The following FAAH2 variants were observed in gnomAD, a reference collection of about 807,000 sequenced individuals.
FAAH2 encodes fatty acid amide hydrolase 2.
In FAAH2, 60 loss-of-function variants were observed where a neutral mutation model predicts 36.9. The ratio of observed to expected loss-of-function variants is 1.63; its 90% CI spans 1.32 to 2.02. FAAH2 has a LOEUF of 2.02. Among genes scored for constraint, FAAH2 ranks in the 30% most tolerant of loss-of-function variants. The pLI, the probability that FAAH2 is intolerant of heterozygous loss-of-function variation, is 0.00. For synonymous variants in FAAH2, 214 were observed against 143.8 expected, an observed-to-expected ratio of 1.49 and a Z score of -3.49; for missense variants, 689 against 397.5, an observed-to-expected ratio of 1.73 and a Z score of -6.23.
At chrX:57,405,365 G>C (rs1450000448) in intron 7 of FAAH2, among the ~76,000 whole-genome samples, 1 of 110,937 alleles carries the variant, frequency 9.0e-6, no homozygotes, top group Non-Finnish European at 1.9e-5. Flanking sequence ...AGAAGCTGTG[G>C]GTCATGGAAG....
At chrX:57,202,853 A>G in the FAAH2 span, among the ~76,000 whole-genome samples, 3 of 111,867 alleles carry the variant, frequency 2.7e-5, no homozygotes, top group African/African-American at 6.5e-5. Context: ...AAACCAGAAG[A>G]CACAGTTTTT....
intron 5 of FAAH2, among the ~76,000 whole-genome samples, chrX:57,371,203 G>A (rs2054541211): frequency 9.0e-6 from 1 of 111,586 alleles, no homozygotes; most frequent in Non-Finnish European, 1.9e-5. Flanking sequence ...CCCAGCTAGT[G>A]AGCATAGCTC....
intron 7 of FAAH2, among the ~76,000 whole-genome samples, chrX:57,425,562 C>A (rs185817710): frequency 8.6e-4 from 96 of 111,558 alleles, no homozygotes; most frequent in African/African-American, 2.9e-3. Flanking sequence ...AGTTCTATTT[C>A]TAGAGTTCTT....
intron 7 of FAAH2, among the ~76,000 whole-genome samples, chrX:57,398,644 G>A (rs1035195252): frequency 1.4e-4 from 16 of 110,396 alleles, no homozygotes; most frequent in African/African-American, 4.6e-4. Flanking sequence ...CGGCTCAAAT[G>A]TCTAGGTTTT....
Position 57,286,943 on chromosome X carries a change from AC to A in FAAH2, c.122del (p.Pro41LeufsTer4). 2 of 1,202,395 alleles carry A rather than the reference AC, an allele frequency of 1.7e-6. No individual in the cohort carries two copies. Among genetic ancestry groups the A allele is most frequent in the Non-Finnish European group, 2.2e-6 (2 of 891,245 alleles). On this transcript the variant is annotated frameshift_variant, in exon 1 of 11. Coordinates refer to ENST00000374900, the MANE Select transcript of FAAH2 (RefSeq NM_174912.4). LOFTEE classifies it high-confidence loss of function. ...VLGGPKFASK[T>X]PRPVTEPLLL... ...AGGGGGTCCAAAGTTTGCCTCAAAG[AC>A]CCCTCGGCCGGTGACTGAACCATTG...
chrX:57,177,898 G>A, the FAAH2 span, among the ~76,000 whole-genome samples: 2 of 110,410 alleles, frequency 1.8e-5, no homozygotes, highest in African/African-American at 3.3e-5. Flanking sequence ...TTGGCCTGCA[G>A]TCTGTTTATT....
chrX:57,302,707 A>G (rs765332342), intron 2 of FAAH2, among the ~76,000 whole-genome samples: 1 of 111,292 alleles, frequency 9.0e-6, no homozygotes, highest in Non-Finnish European at 1.9e-5. Context: ...TACTTGAATC[A>G]CTGAGCAAGT....
chrX:57,138,362 A>T, the FAAH2 span, among the ~76,000 whole-genome samples: 2 of 111,216 alleles, frequency 1.8e-5, no homozygotes, highest in African/African-American at 6.5e-5. Flanking sequence ...GTTGGCTAAC[A>T]TCTGAAAAGT....
intron 10 of FAAH2, among the ~76,000 whole-genome samples, chrX:57,454,358 C>T (rs1232464751): frequency 8.9e-6 from 1 of 111,882 alleles, no homozygotes; most frequent in Non-Finnish European, 1.9e-5. Flanking sequence ...AACATCAACC[C>T]TTACACATGA....
At chrX:57,474,364 C>T (rs188522407) in intron 10 of FAAH2, among the ~76,000 whole-genome samples, 2 of 110,633 alleles carry the variant, frequency 1.8e-5, no homozygotes, top group East Asian at 5.7e-4. Flanking sequence ...CCCCTTGTCC[C>T]CCGCCCCCAA....
chrX:57,247,691 TA>T, the FAAH2 span, among the ~76,000 whole-genome samples: 131 of 112,165 alleles, frequency 1.2e-3, 1 homozygote, highest in East Asian at 0.035. Flanking sequence ...CAGGGAGAAG[TA>T]AAAGACCAGG....
At chrX:57,256,615 C>T in the FAAH2 span, among the ~76,000 whole-genome samples, 2 of 111,547 alleles carry the variant, frequency 1.8e-5, no homozygotes, top group Non-Finnish European at 3.8e-5. Flanking sequence ...TAGGCAATAC[C>T]ATTCAGGACA....
intron 7 of FAAH2, among the ~76,000 whole-genome samples, chrX:57,427,532 C>T (rs12012477): frequency 0.081 from 9,017 of 111,162 alleles, 873 homozygotes; most frequent in African/African-American, 0.27. Flanking sequence ...CTGAATCCAA[C>T]ACCACATCAA....
chrX:57,354,267 T>A (rs188708395), intron 5 of FAAH2, among the ~76,000 whole-genome samples: 2 of 111,386 alleles, frequency 1.8e-5, no homozygotes, highest in East Asian at 5.6e-4. Context: ...TATGAAATCA[T>A]GTCTTTTGCA....
the FAAH2 span, among the ~76,000 whole-genome samples, chrX:57,129,799 A>G: frequency 3.6e-5 from 4 of 112,074 alleles, no homozygotes; most frequent in African/African-American, 1.3e-4. Context: ...GTCACACACA[A>G]GACACCGAGG....
At chrX:57,475,096 C>A (rs749616108) in intron 10 of FAAH2, among the ~76,000 whole-genome samples, 1 of 111,837 alleles carries the variant, frequency 8.9e-6, no homozygotes, top group African/African-American at 3.3e-5. Flanking sequence ...GGATATTAGA[C>A]CTTTGTCAGA....
chrX:57,159,271 C>T, the FAAH2 span, among the ~76,000 whole-genome samples: 2 of 111,782 alleles, frequency 1.8e-5, no homozygotes, highest in African/African-American at 3.3e-5. Flanking sequence ...AGTCAGGTAG[C>T]ATGATGCCTC....
At chrX:57,233,329 G>A in the FAAH2 span, among the ~76,000 whole-genome samples, 1 of 111,801 alleles carries the variant, frequency 8.9e-6, no homozygotes, top group Non-Finnish European at 1.9e-5. Context: ...AGCTGCTTAA[G>A]TCAGGGATTT....
chrX:57,216,556 A>ATATACGTATATG, the FAAH2 span, among the ~76,000 whole-genome samples: 1 of 52,852 alleles, frequency 1.9e-5, no homozygotes, highest in Non-Finnish European at 3.0e-5. Context: ...ATATGTATAT[A>ATATACGTATATG]TATATATACG....
Sources: gnomAD v4.1 joint callset for allele counts (sites outside exome capture counted in the v4.1 genomes callset) on GRCh38, gnomAD v4.1.1 for gene constraint, MANE v1.5 for transcripts, NCBI Gene and HGNC (gene_info 2026-07-23, HGNC 2026-07-21) for gene names.